NRCAM: variants seen among roughly 807,000 people sequenced by gnomAD.
NRCAM encodes neuronal cell adhesion molecule.
A neutral mutation model predicts 156.5 loss-of-function variants in NRCAM; 83 were observed. The observed-to-expected ratio is 0.53, with a 90% confidence interval of 0.44 to 0.64. The LOEUF is 0.64. NRCAM is among the 30% of genes least tolerant of loss of function. NRCAM has a pLI of 0.00. For missense variants in NRCAM, 1,417 were observed against 1,597.3 expected, an observed-to-expected ratio of 0.89 and a Z score of 1.92; for synonymous variants, 538 against 563.9, an observed-to-expected ratio of 0.95 and a Z score of 0.65.
At chr7:108,177,578 T>A (rs542385437) in intron 26 of NRCAM, among the ~76,000 whole-genome samples, 3 of 151,252 alleles carry the variant, frequency 2.0e-5, no homozygotes, top group Non-Finnish European at 4.4e-5. Context: ...AGCCAAGATC[T>A]CACCACTGCA....
At chr7:108,249,782 A>G (rs1349223465) in intron 3 of NRCAM, among the ~76,000 whole-genome samples, 1 of 152,238 alleles carries the variant, frequency 6.6e-6, no homozygotes, top group African/African-American at 2.4e-5. Flanking sequence ...TCTGCTGTCT[A>G]TGACTTCTCA....
chr7:108,165,904 G>A (rs1031692799), intron 30 of NRCAM, among the ~76,000 whole-genome samples: 8 of 152,202 alleles, frequency 5.3e-5, no homozygotes, highest in Non-Finnish European at 8.8e-5. Flanking sequence ...ATGGGGGTAT[G>A]AACCACAGAG....
chr7:108,293,273 G>C (rs891969149), intron 3 of NRCAM, among the ~76,000 whole-genome samples: 1 of 152,046 alleles, frequency 6.6e-6, no homozygotes, highest in Non-Finnish European at 1.5e-5. Flanking sequence ...TTGTCCAGCG[G>C]GCGATCACGG....
At chr7:108,322,335 T>G (rs903014827) in intron 2 of NRCAM, among the ~76,000 whole-genome samples, 4 of 152,194 alleles carry the variant, frequency 2.6e-5, no homozygotes, top group Non-Finnish European at 5.9e-5. Context: ...TTCATAGTAC[T>G]GTTCTGGAAA....
chr7:108,371,637 G>C (rs931352812), intron 2 of NRCAM, among the ~76,000 whole-genome samples: 2 of 152,138 alleles, frequency 1.3e-5, no homozygotes, highest in African/African-American at 4.8e-5. Context: ...TAAGGCACTA[G>C]AATTGCCACT....
rs542221903 is a variant in NRCAM at position 108,392,116 on chromosome 7, G to T, written c.-174+7320C>A. On this transcript the variant is annotated intron_variant, in intron 2 of 32. Coordinates refer to ENST00000379028, the MANE Select transcript of NRCAM (RefSeq NM_001037132.4). Reference sequence around the variant, plus strand: ...TCTGTATTTCCTGAATTTGAATGTTGGCCTGCCTTGCTATGTTGGGGAAGT... The same window carrying T: ...TCTGTATTTCCTGAATTTGAATGTTTGCCTGCCTTGCTATGTTGGGGAAGT... 2.6e-5 allele frequency among the ~76,000 whole-genome samples: 4 copies of T among 152,192 alleles called. No homozygotes were observed. The East Asian group carries it at 7.7e-4, about 29-fold the overall frequency.
chr7:108,207,921 A>G (rs1015044977), intron 12 of NRCAM, among the ~76,000 whole-genome samples: 2 of 152,160 alleles, frequency 1.3e-5, no homozygotes, highest in African/African-American at 4.8e-5. Flanking sequence ...TATTAAAATT[A>G]ATCAGACATC....
chr7:108,390,124 A>T (rs775885546), intron 2 of NRCAM, among the ~76,000 whole-genome samples: 18 of 152,332 alleles, frequency 1.2e-4, no homozygotes, highest in Non-Finnish European at 2.2e-4. Flanking sequence ...TTTCAGAAGG[A>T]ATGGTACCAG....
At chr7:108,408,310 C>T (rs1791062256) in intron 1 of NRCAM, among the ~76,000 whole-genome samples, 1 of 152,180 alleles carries the variant, frequency 6.6e-6, no homozygotes, top group South Asian at 2.1e-4. Flanking sequence ...ATTAAATCCA[C>T]AAACTGGTTA....
intron 1 of NRCAM, among the ~76,000 whole-genome samples, chr7:108,442,480 G>C (rs1023032780): frequency 6.6e-6 from 1 of 152,196 alleles, no homozygotes; most frequent in Non-Finnish European, 1.5e-5. Context: ...GCAGTAACTG[G>C]TTTCCCAAGA....
intron 2 of NRCAM, among the ~76,000 whole-genome samples, chr7:108,337,685 T>C (rs1046009258): frequency 6.6e-6 from 1 of 152,138 alleles, no homozygotes; most frequent in Non-Finnish European, 1.5e-5. Flanking sequence ...CCTTGGAATC[T>C]GTGAGGCCAA....
At chr7:108,297,629 G>C (rs1302414399) in intron 3 of NRCAM, among the ~76,000 whole-genome samples, 1 of 152,072 alleles carries the variant, frequency 6.6e-6, no homozygotes, top group African/African-American at 2.4e-5. Flanking sequence ...GAACACAATA[G>C]TCCAAAGTTT....
intron 2 of NRCAM, among the ~76,000 whole-genome samples, chr7:108,376,739 T>C (rs969733058): frequency 2.6e-4 from 39 of 152,216 alleles, no homozygotes; most frequent in African/African-American, 9.4e-4. Flanking sequence ...CCTTAATTTC[T>C]TTCTGCAATC....
chr7:108,187,847 C>T (rs986751363), intron 20 of NRCAM, among the ~76,000 whole-genome samples: 6 of 151,740 alleles, frequency 4.0e-5, no homozygotes, highest in African/African-American at 7.3e-5. Context: ...CCCAGCTACT[C>T]GGGAAGCTGA....
chr7:108,325,149 C>A (rs1293318154), intron 2 of NRCAM, among the ~76,000 whole-genome samples: 1 of 102,706 alleles, frequency 9.7e-6, no homozygotes, highest in Non-Finnish European at 2.3e-5. Flanking sequence ...TTTCAGCTAA[C>A]CTAGAAAAAA....
intron 3 of NRCAM, among the ~76,000 whole-genome samples, chr7:108,269,109 G>A (rs1391344420): frequency 6.7e-6 from 1 of 149,946 alleles, no homozygotes; most frequent in Non-Finnish European, 1.5e-5. Context: ...ATTTACCTCA[G>A]ATGCAAAGGC....
intron 2 of NRCAM, among the ~76,000 whole-genome samples, chr7:108,372,477 C>A (rs1428960085): frequency 6.6e-6 from 1 of 151,952 alleles, no homozygotes; most frequent in East Asian, 1.9e-4. Flanking sequence ...AGTTAACATC[C>A]AAAATAAAGA....
chr7:108,296,953 G>T (rs1034616371), intron 3 of NRCAM, among the ~76,000 whole-genome samples: 3 of 152,100 alleles, frequency 2.0e-5, no homozygotes, highest in Admixed American at 2.0e-4. Flanking sequence ...CTTTTAACCC[G>T]AAAGAGGGTA....
chr7:108,226,092 T>C (rs1210976023), intron 9 of NRCAM, 116 bp downstream of exon 9: 11 of 691,976 alleles, frequency 1.6e-5, no homozygotes, highest in Admixed American at 1.5e-4. Context: ...CATTCATGGG[T>C]GGCTTCCTGA....
Sources: gnomAD v4.1 joint callset for allele counts (sites outside exome capture counted in the v4.1 genomes callset) on GRCh38, gnomAD v4.1.1 for gene constraint, MANE v1.5 for transcripts, NCBI Gene and HGNC (gene_info 2026-07-23, HGNC 2026-07-21) for gene names.